The following TRIM55 variants were observed in gnomAD, a reference collection of about 807,000 sequenced individuals.
TRIM55 encodes the protein tripartite motif-containing protein 55.
In TRIM55, 50 loss-of-function variants were observed where a neutral mutation model predicts 60.9. The ratio of observed to expected loss-of-function variants is 0.82; its 90% CI spans 0.65 to 1.04. TRIM55 has a LOEUF of 1.04. Ranked by LOEUF, TRIM55 falls within the 50% of genes least tolerant of loss-of-function variation. The pLI, the probability that TRIM55 is intolerant of heterozygous loss-of-function variation, is 0.00. For missense variants in TRIM55, 681 were observed against 666.9 expected (o/e 1.02, Z -0.23); for synonymous variants, 237 against 238.1 (o/e 1.00, Z 0.04).
intron 4 of TRIM55, among the ~76,000 whole-genome samples, chr8:66,140,929 G>A (rs1372975614): frequency 2.0e-5 from 3 of 152,298 alleles, no homozygotes; most frequent in Middle Eastern, 6.8e-3. Flanking sequence ...TTAGGGATGG[G>A]AAATGAAGTA....
chr8:66,150,925 C>G lies in TRIM55; in HGVS notation c.985+459C>G, dbSNP rs1156968044. On this transcript the variant is annotated intron_variant, in intron 7 of 9. Transcript: ENST00000315962. ...AGGTGATCCACCTGCCTTGGCCTCC[C>G]AAAGTGCTGGGATTACAGAAGTGAG... Among the ~76,000 whole-genome samples, 74 of 152,296 alleles carry G rather than the reference C, an allele frequency of 4.9e-4. 2 individuals are homozygous for G.
intron 9 of TRIM55, among the ~76,000 whole-genome samples, chr8:66,162,524 C>G (rs1483091191): frequency 6.6e-6 from 1 of 151,184 alleles, no homozygotes; most frequent in Non-Finnish European, 1.5e-5. Context: ...TAGGGTAATA[C>G]TGGCTTCATA....
At chr8:66,174,210 C>T (rs1450339629) in intron 9 of TRIM55, among the ~76,000 whole-genome samples, 1 of 150,776 alleles carries the variant, frequency 6.6e-6, no homozygotes, top group East Asian at 1.9e-4. Context: ...CTCCTTTTTC[C>T]CAAGAACTTC....
intron 9 of TRIM55, among the ~76,000 whole-genome samples, chr8:66,172,256 C>T (rs1811683919): frequency 6.6e-6 from 1 of 152,192 alleles, no homozygotes; most frequent in Non-Finnish European, 1.5e-5. Flanking sequence ...CCAAGTCATA[C>T]AGCTAATAAG....
chr8:66,135,241 G>C, intron 3 of TRIM55, 86 bp downstream of exon 3: 1 of 1,484,878 alleles, frequency 6.7e-7, no homozygotes, highest in South Asian at 1.2e-5. Context: ...GTGGCTCCCT[G>C]CGGTGGAGGA....
chr8:66,129,574 T>C (rs1204047840), intron 2 of TRIM55, among the ~76,000 whole-genome samples: 2 of 152,212 alleles, frequency 1.3e-5, no homozygotes, highest in Non-Finnish European at 2.9e-5. Context: ...GCTGATGACA[T>C]ATTGCAGAGA....
At chr8:66,155,796 T>A in intron 9 of TRIM55, 1 of 930,196 alleles carries the variant, frequency 1.1e-6, no homozygotes, top group Non-Finnish European at 1.6e-6. Context: ...GAGATTAATT[T>A]CTCCCCAAAT....
intron 2 of TRIM55, among the ~76,000 whole-genome samples, chr8:66,129,308 A>G (rs1351628533): frequency 1.3e-5 from 2 of 152,124 alleles, no homozygotes; most frequent in Non-Finnish European, 2.9e-5. Flanking sequence ...CCCCTTTTCA[A>G]TTGTGTGCAG....
At chr8:66,138,636 G>A (rs1329225079) in intron 4 of TRIM55, among the ~76,000 whole-genome samples, 6 of 152,168 alleles carry the variant, frequency 3.9e-5, no homozygotes, top group Non-Finnish European at 7.4e-5. Flanking sequence ...TGATCTGCCC[G>A]CCTCGGACTC....
In TRIM55 at chr8:66,130,290, T is replaced by G. The variant is rs138646115; in HGVS notation, c.341+1814T>G. 3.0e-4 allele frequency among the ~76,000 whole-genome samples: 46 copies of G among 152,228 alleles called. 1 individual carries two copies. In the East Asian group the frequency reaches 8.1e-3, roughly 27 times the overall value. On this transcript the variant is annotated intron_variant, in intron 2 of 9. Coordinates refer to ENST00000315962, the MANE Select transcript of TRIM55 (RefSeq NM_184085.2). ...TCCAACAATAAAGCTCATAGTTGAG[T>G]GAACTAGGGATGCTTTTGTGATTTT...
At chr8:66,130,890 TG>T (rs1809115395) in intron 2 of TRIM55, among the ~76,000 whole-genome samples, 1 of 151,896 alleles carries the variant, frequency 6.6e-6, no homozygotes. Context: ...CTCGATCTCC[TG>T]ACCTCTTGAT....
At chr8:66,137,383 G>A (rs13439691) in intron 4 of TRIM55, among the ~76,000 whole-genome samples, 193 bp downstream of exon 4, 9,799 of 152,216 alleles carry the variant, frequency 0.064, 432 homozygotes, top group African/African-American at 0.13. Flanking sequence ...AGTCACTGAG[G>A]CAGATGTTAC....
intron 9 of TRIM55, among the ~76,000 whole-genome samples, chr8:66,169,194 G>A (rs1811484072): frequency 6.6e-6 from 1 of 152,196 alleles, no homozygotes; most frequent in South Asian, 2.1e-4. Flanking sequence ...TGAATGTCAG[G>A]AAAGCATTTG....
the TRIM55 span, among the ~76,000 whole-genome samples, chr8:66,116,641 G>C: frequency 1.4e-5 from 1 of 70,338 alleles, no homozygotes; most frequent in African/African-American, 2.6e-4. Flanking sequence ...AAAAAGACTG[G>C]AAACATGCAT....
At chr8:66,124,867 G>T (rs1352955811), upstream of TRIM55, among the ~76,000 whole-genome samples, 3 of 152,152 alleles carry the variant, frequency 2.0e-5, no homozygotes, top group Non-Finnish European at 2.9e-5. Flanking sequence ...TCACAGGCAT[G>T]GTACGAAGGA....
intron 2 of TRIM55, among the ~76,000 whole-genome samples, chr8:66,131,849 A>G (rs1004515044): frequency 5.3e-5 from 8 of 152,192 alleles, no homozygotes; most frequent in African/African-American, 1.7e-4. Flanking sequence ...AGATGTTCCT[A>G]ATTTCCAACA....
At chr8:66,125,290 T>C (rs1240367780), upstream of TRIM55, among the ~76,000 whole-genome samples, 2 of 152,266 alleles carry the variant, frequency 1.3e-5, no homozygotes, top group Non-Finnish European at 2.9e-5. Flanking sequence ...TTTTGTACTA[T>C]GTTCTGTGTG....
At chr8:66,129,344 A>T (rs979871056) in intron 2 of TRIM55, among the ~76,000 whole-genome samples, 7 of 152,200 alleles carry the variant, frequency 4.6e-5, no homozygotes, top group African/African-American at 1.7e-4. Context: ...AAAGCTTGAT[A>T]GCAATATTGA....
chr8:66,135,235 C>T (rs1809414914), intron 3 of TRIM55, 80 bp downstream of exon 3: 1 of 1,517,438 alleles, frequency 6.6e-7, no homozygotes, highest in Non-Finnish European at 9.1e-7. Flanking sequence ...GTGTGAGTGG[C>T]TCCCTGCGGT....
Sources: allele counts gnomAD v4.1 joint callset (sites outside exome capture counted in the v4.1 genomes callset), GRCh38; gene constraint gnomAD v4.1.1; transcripts MANE v1.5; gene names NCBI Gene and HGNC (gene_info 2026-07-23, HGNC 2026-07-21).